MAN2B2: variants seen among roughly 807,000 people sequenced by gnomAD.
The protein encoded by MAN2B2 is epididymis-specific alpha-mannosidase.
In MAN2B2, 106 loss-of-function variants were observed where a neutral mutation model predicts 117.1. The ratio of observed to expected loss-of-function variants is 0.90; its 90% CI spans 0.77 to 1.06. The LOEUF (loss-of-function observed/expected upper bound fraction) is 1.06, where lower values mean the gene tolerates loss of function less well. MAN2B2 is among the 50% of genes least tolerant of loss of function. The pLI is 0.00. For synonymous variants in MAN2B2, 544 were observed against 595.1 expected (o/e 0.91, Z 1.25); for missense variants, 1,326 against 1,381.4 (o/e 0.96, Z 0.64).
At chr4:6,620,183 C>G in intron 18 of MAN2B2, 139 bp downstream of exon 18, 1 of 670,142 alleles carries the variant, frequency 1.5e-6, no homozygotes, top group Admixed American at 2.9e-5. Flanking sequence ...TCTGAACCCG[C>G]AGCCCTCCCA....
At chr4:6,597,708 A>C (rs1356571887) in intron 8 of MAN2B2, among the ~76,000 whole-genome samples, 2 of 152,150 alleles carry the variant, frequency 1.3e-5, no homozygotes, top group South Asian at 4.1e-4. Flanking sequence ...CGGTGGGGCA[A>C]TTGGATGTGC....
chr4:6,595,830 C>T (rs937925747), intron 7 of MAN2B2, among the ~76,000 whole-genome samples: 25 of 152,250 alleles, frequency 1.6e-4, no homozygotes, highest in African/African-American at 5.8e-4. Context: ...CACCCATGAC[C>T]TGGCTTAGTC....
At chr4:6,598,427 C>A in intron 9 of MAN2B2, 73 bp downstream of exon 9, 1 of 1,481,752 alleles carries the variant, frequency 6.7e-7, no homozygotes, top group Non-Finnish European at 9.1e-7. Context: ...GGGAGGGGCT[C>A]AACGACCCCA....
intron 7 of MAN2B2, among the ~76,000 whole-genome samples, chr4:6,595,242 G>A (rs556246302): frequency 7.2e-5 from 11 of 152,300 alleles, no homozygotes; most frequent in African/African-American, 2.6e-4. Flanking sequence ...GCCTCTACTC[G>A]CTGCCTGTGT....
intron 17 of MAN2B2, 113 bp downstream of exon 17, chr4:6,617,605 C>G: frequency 1.3e-6 from 2 of 1,543,638 alleles, no homozygotes; most frequent in Non-Finnish European, 1.7e-6. Context: ...CAAATGGACG[C>G]TGGTATGGGC....
At chr4:6,602,769 A>T (rs1727381160) in intron 10 of MAN2B2, among the ~76,000 whole-genome samples, 1 of 151,136 alleles carries the variant, frequency 6.6e-6, no homozygotes, top group African/African-American at 2.4e-5. Flanking sequence ...TCCCAAGCTC[A>T]AGTTGATTCT....
In MAN2B2 at chr4:6,617,509, C is replaced by T; in HGVS notation, c.2814+17C>T. The T allele has an allele frequency of 6.2e-7, 1 of 1,613,684 alleles. No homozygotes were observed. The highest frequency in any genetic ancestry group is 1.1e-5 in the South Asian group (1 of 91,002). On this transcript the variant is annotated intron_variant, in intron 17 of 18. Transcript: ENST00000285599. ...AATCTGGAGGTGAACTTCCCCACCC[C>T]CATCCAGACCATAAGCCAGGGAAGC...
chr4:6,602,670 CTTT>C (rs71646652), intron 10 of MAN2B2, among the ~76,000 whole-genome samples: 6 of 138,346 alleles, frequency 4.3e-5, no homozygotes, highest in Non-Finnish European at 4.7e-5. Context: ...GTCAGTTTTC[CTTT>C]TTTTTTTTTT....
chr4:6,615,480 C>T (rs180992132), intron 16 of MAN2B2, among the ~76,000 whole-genome samples: 31 of 152,194 alleles, frequency 2.0e-4, no homozygotes, highest in Admixed American at 1.2e-3. Flanking sequence ...TGAAAACCAG[C>T]TACCCCATAG....
intron 5 of MAN2B2, among the ~76,000 whole-genome samples, chr4:6,591,842 G>A (rs2108741899): frequency 6.6e-6 from 1 of 152,272 alleles, no homozygotes; most frequent in South Asian, 2.1e-4. Flanking sequence ...CTGGCTTGCT[G>A]TTCCAAGCAC....
intron 7 of MAN2B2, among the ~76,000 whole-genome samples, 186 bp from the exon 8 acceptor site, chr4:6,596,927 G>C (rs1265214216): frequency 6.6e-6 from 1 of 152,184 alleles, no homozygotes; most frequent in African/African-American, 2.4e-5. Context: ...TCCTAGTCTG[G>C]CTATGGGAGG....
chr4:6,585,609 C>T (rs1726600302), intron 3 of MAN2B2, among the ~76,000 whole-genome samples: 1 of 152,140 alleles, frequency 6.6e-6, no homozygotes, highest in Non-Finnish European at 1.5e-5. Context: ...GCAAATTGCC[C>T]CCAAACTTCT....
At chr4:6,587,212 C>CCCTT in intron 4 of MAN2B2, 44 bp downstream of exon 4, 2 of 1,592,296 alleles carry the variant, frequency 1.3e-6, no homozygotes, top group South Asian at 1.1e-5. Context: ...GACCGCTCCT[C>CCCTT]CCTTCCTTCC....
intron 17 of MAN2B2, chr4:6,617,707 A>C (rs1711961757): frequency 1.2e-6 from 1 of 804,348 alleles, no homozygotes; most frequent in East Asian, 3.2e-5. Context: ...GTGAGACAGG[A>C]TCTCACTCTG....
chr4:6,617,887 C>A (rs58077450), intron 17 of MAN2B2: 1 of 228,442 alleles, frequency 4.4e-6, no homozygotes, highest in Non-Finnish European at 8.4e-6. Context: ...CGCTCTCGTC[C>A]CCCAGGCTGG....
At chr4:6,614,470 C>CCGCTG in intron 16 of MAN2B2, 115 bp downstream of exon 16, 1 of 1,262,226 alleles carries the variant, frequency 7.9e-7, no homozygotes, top group Non-Finnish European at 1.1e-6. Flanking sequence ...TCTGCAAGGT[C>CCGCTG]ACCTGGTTTC....
At chr4:6,591,759 C>A (rs1043823184) in intron 5 of MAN2B2, among the ~76,000 whole-genome samples, 2 of 152,102 alleles carry the variant, frequency 1.3e-5, no homozygotes, top group African/African-American at 4.8e-5. Flanking sequence ...TCAGTGGGGA[C>A]CAGGAGTGTG....
At chr4:6,593,791 G>A (rs1413848552) in intron 6 of MAN2B2, among the ~76,000 whole-genome samples, 3 of 152,238 alleles carry the variant, frequency 2.0e-5, no homozygotes, top group Non-Finnish European at 4.4e-5. Flanking sequence ...GCTGTGTGCT[G>A]GGCACTGCCC....
intron 3 of MAN2B2, among the ~76,000 whole-genome samples, chr4:6,579,225 C>CCAT (rs1726275896): frequency 7.6e-5 from 4 of 52,396 alleles, no homozygotes; most frequent in Admixed American, 1.8e-4. Flanking sequence ...ACCACCACCA[C>CCAT]CACCATCACC....
Sources: gnomAD v4.1 joint callset for allele counts (sites outside exome capture counted in the v4.1 genomes callset) on GRCh38, gnomAD v4.1.1 for gene constraint, MANE v1.5 for transcripts, NCBI Gene and HGNC (gene_info 2026-07-23, HGNC 2026-07-21) for gene names.